Variants in IQSEC2 observed in about 807,000 individuals in gnomAD.
IQSEC2 encodes the protein IQ motif and Sec7 domain ArfGEF 2.
A neutral mutation model predicts 74.6 loss-of-function variants in IQSEC2; 6 were observed. That is an observed-to-expected ratio of 0.08 (90% CI 0.04 to 0.16). IQSEC2 has a LOEUF of 0.16. Among genes scored for constraint, IQSEC2 ranks in the 10% least tolerant of loss-of-function variants. The probability of loss-of-function intolerance (pLI) is 1.00; values close to 1 mark genes in which losing one functional copy is unlikely to be tolerated. For missense variants in IQSEC2, 734 were observed against 1,306.2 expected (o/e 0.56, Z 6.75); for synonymous variants, 494 against 544.5 (o/e 0.91, Z 1.29).
rs964746580 is a variant in IQSEC2, at chrX:53,249,220, G to A, written c.2298-338C>T. On this transcript the variant is annotated intron_variant, in intron 5 of 14. Coordinates refer to ENST00000642864, the MANE Select transcript of IQSEC2 (RefSeq NM_001111125.3). ...CATTCCCAGCAAGAACCGAGGAGAG[G>A]GCTGAGCACCTTCCCTCTGAGTCAC... 4.5e-5 allele frequency among the ~76,000 whole-genome samples: 5 copies of A among 111,621 alleles called. No individual in the cohort carries two copies. The East Asian group carries it at 1.1e-3, about 25-fold the overall frequency.
intron 2 of IQSEC2, among the ~76,000 whole-genome samples, chrX:53,268,745 A>G (rs2074696217): frequency 2.7e-5 from 3 of 111,609 alleles, no homozygotes; most frequent in East Asian, 2.8e-4. Context: ...AGGCTCTCCC[A>G]CCATATGGCC....
chrX:53,230,145 C>T (rs1556858229), downstream of IQSEC2: 1 of 112,527 alleles, frequency 8.9e-6, no homozygotes, highest in East Asian at 2.8e-4. Flanking sequence ...CAGGCTAAGT[C>T]CTACTCGCCC....
chrX:53,236,804 C>G (rs1185821535), intron 12 of IQSEC2, among the ~76,000 whole-genome samples: 2 of 111,291 alleles, frequency 1.8e-5, no homozygotes, highest in Non-Finnish European at 3.8e-5. Context: ...TCTGACTTCT[C>G]CCCTCCCATG....
At chrX:53,317,142 T>C (rs1556879304) in intron 1 of IQSEC2, among the ~76,000 whole-genome samples, 1 of 111,977 alleles carries the variant, frequency 8.9e-6, no homozygotes, top group African/African-American at 3.3e-5. Flanking sequence ...AGAGCTATTC[T>C]CTAATCAACC....
At position 53,244,957 on chromosome X, in the gene IQSEC2, CCACACA is replaced by C. The variant is rs1162702556; in HGVS notation, c.2750-1492_2750-1487del. Among the ~76,000 whole-genome samples, 4 of 107,465 alleles carry C rather than the reference CCACACA, an allele frequency of 3.7e-5. No individual in the cohort carries two copies. The South Asian group carries it at 1.6e-3, about 43-fold the overall frequency. 93.3% of individuals were successfully genotyped at this position (107,465 alleles called of 115,157 possible). On this transcript the variant is annotated intron_variant, in intron 8 of 14. Transcript: ENST00000642864. The stretch of plus-strand genomic sequence containing the variant: ...AAGTTACACATACACACACACACAC[CCACACA>C]CACACACACATATATTGAGAGAGAG...
chrX:53,309,662 C>T (rs2075302120), intron 1 of IQSEC2, among the ~76,000 whole-genome samples: 1 of 112,345 alleles, frequency 8.9e-6, no homozygotes, highest in African/African-American at 3.2e-5. Flanking sequence ...TCAAATCCCA[C>T]CATCGCCAGT....
chrX:53,263,207 AGG>A (rs1556866873), intron 2 of IQSEC2, among the ~76,000 whole-genome samples: 9 of 111,974 alleles, frequency 8.0e-5, no homozygotes, highest in African/African-American at 2.9e-4. Context: ...GGAAGCAGGA[AGG>A]ACTGAGGTTA....
intron 2 of IQSEC2, among the ~76,000 whole-genome samples, chrX:53,271,954 G>T (rs1479019905): frequency 9.0e-6 from 1 of 111,275 alleles, no homozygotes; most frequent in Admixed American, 9.6e-5. Context: ...TTCAATTTCC[G>T]GAGGTTCGTG....
At chrX:53,235,373 T>C (rs2074111559) in intron 14 of IQSEC2, among the ~76,000 whole-genome samples, 189 bp from the exon 15 acceptor site, 1 of 111,567 alleles carries the variant, frequency 9.0e-6, no homozygotes, top group Non-Finnish European at 1.9e-5. Flanking sequence ...TCACATCCAC[T>C]ATCTCAGCTG....
intron 2 of IQSEC2, among the ~76,000 whole-genome samples, chrX:53,271,517 T>C (rs1447436624): frequency 9.0e-6 from 1 of 111,538 alleles, no homozygotes; most frequent in Non-Finnish European, 1.9e-5. Flanking sequence ...ACCTTATACA[T>C]CCACAACAGT....
chrX:53,300,346 A>C (rs1212673070), intron 1 of IQSEC2, among the ~76,000 whole-genome samples: 1 of 111,563 alleles, frequency 9.0e-6, no homozygotes, highest in African/African-American at 3.3e-5. Context: ...TTCATCCTCC[A>C]TGACCCATTT....
intron 1 of IQSEC2, among the ~76,000 whole-genome samples, chrX:53,294,866 A>C (rs2075135646): frequency 9.0e-6 from 1 of 111,263 alleles, no homozygotes; most frequent in African/African-American, 3.3e-5. Context: ...TCTGTCGCCC[A>C]GGCTGGAGTG....
chrX:53,280,188 AG>A (rs1569321658), intron 2 of IQSEC2, among the ~76,000 whole-genome samples: 2 of 61,766 alleles, frequency 3.2e-5, no homozygotes, highest in Non-Finnish European at 5.7e-5. Flanking sequence ...GGAGGACGGG[AG>A]GGGAAGGGGG....
chrX:53,250,650 C>T lies in IQSEC2; in HGVS notation c.1926G>A (p.Pro642=), dbSNP rs782748026. 28 of 1,207,288 alleles carry T rather than the reference C, an allele frequency of 2.3e-5. No individual in the cohort carries two copies. The African/African-American group carries it at 4.2e-4, about 18-fold the overall frequency. ...GGGCTGGGTAGTGGCGGTGTGGGAT[C>T]GGGGCCCTGCCTGGTGGCCCCTTGT... ...LKHKGPPGRA[P]IPHRHYPAPE... The change falls in exon 5 of 15, where the codon CCG becomes CCA. Residue 642 remains proline (P), a synonymous_variant. Transcript: ENST00000642864.
intron 1 of IQSEC2, among the ~76,000 whole-genome samples, chrX:53,300,136 C>T (rs2075197439): frequency 9.0e-6 from 1 of 111,664 alleles, no homozygotes; most frequent in Non-Finnish European, 1.9e-5. Context: ...CCTTCAGTAC[C>T]TCTCAATCCT....
intron 2 of IQSEC2, among the ~76,000 whole-genome samples, chrX:53,271,630 A>G (rs1160916741): frequency 8.9e-6 from 1 of 112,075 alleles, no homozygotes; most frequent in African/African-American, 3.2e-5. Context: ...AATGGTGCTC[A>G]CTGGAGTCGT....
chrX:53,248,700 GC>G lies in IQSEC2; in HGVS notation c.2459+20del. On this transcript the variant is annotated intron_variant, in intron 6 of 14. Transcript: ENST00000642864. Reference sequence around the variant, plus strand: ...TTTCCAGGAATCCCTGGCCCAGCCTGCCCCATCCTGGGGTCCTCACTCCAAC... The same window carrying G: ...TTTCCAGGAATCCCTGGCCCAGCCTGCCCATCCTGGGGTCCTCACTCCAAC... The G allele has an allele frequency of 8.3e-7, 1 of 1,207,249 alleles. No individual in the cohort carries two copies. Among genetic ancestry groups the G allele is most frequent in the Non-Finnish European group, 1.1e-6 (1 of 891,776 alleles).
chrX:53,287,935 T>G (rs782349703), intron 2 of IQSEC2, among the ~76,000 whole-genome samples: 2 of 112,218 alleles, frequency 1.8e-5, no homozygotes, highest in Non-Finnish European at 3.8e-5. Flanking sequence ...CTGACTCCTC[T>G]AGACTTCTGT....
chrX:53,251,999 G>A (rs1356403785), intron 4 of IQSEC2, among the ~76,000 whole-genome samples: 1 of 112,710 alleles, frequency 8.9e-6, no homozygotes, highest in Non-Finnish European at 1.9e-5. Flanking sequence ...GTTTGAGGCT[G>A]CAGTGAGCTA....
Sources: gnomAD v4.1 joint callset for allele counts (sites outside exome capture counted in the v4.1 genomes callset) on GRCh38, gnomAD v4.1.1 for gene constraint, MANE v1.5 for transcripts, NCBI Gene and HGNC (gene_info 2026-07-23, HGNC 2026-07-21) for gene names.